ANXA6: variants seen among roughly 807,000 people sequenced by gnomAD.
The protein encoded by ANXA6 is annexin A6.
A neutral mutation model predicts 95.4 loss-of-function variants in ANXA6; 71 were observed. The observed-to-expected ratio is 0.74, with a 90% confidence interval of 0.61 to 0.91. The LOEUF (loss-of-function observed/expected upper bound fraction) is 0.91. Ranked by LOEUF, ANXA6 falls within the 40% of genes least tolerant of loss-of-function variation. ANXA6 has a pLI of 0.00. For missense variants in ANXA6, 830 were observed against 876.4 expected (o/e 0.95, Z 0.67); for synonymous variants, 289 against 315.9 (o/e 0.91, Z 0.90).
At chr5:151,120,349 C>T (rs1765128539) in intron 17 of ANXA6, among the ~76,000 whole-genome samples, 1 of 149,480 alleles carries the variant, frequency 6.7e-6, no homozygotes, top group Non-Finnish European at 1.5e-5. Flanking sequence ...CTAATTCACT[C>T]ATTCAGGTAC....
intron 1 of ANXA6, among the ~76,000 whole-genome samples, chr5:151,156,338 G>GA (rs1766236598): frequency 6.6e-6 from 1 of 152,220 alleles, no homozygotes; most frequent in Non-Finnish European, 1.5e-5. Context: ...GCTTGCTCAA[G>GA]AAGTCCCAGC....
intron 13 of ANXA6, 61 bp from the exon 14 acceptor site, chr5:151,126,541 C>CAAA: frequency 9.6e-7 from 1 of 1,045,526 alleles, no homozygotes; most frequent in Non-Finnish European, 1.4e-6. Context: ...AACACTCACA[C>CAAA]CAACACACAC....
At chr5:151,149,980 G>A (rs1250221560) in intron 1 of ANXA6, among the ~76,000 whole-genome samples, 1 of 152,212 alleles carries the variant, frequency 6.6e-6, no homozygotes, top group Non-Finnish European at 1.5e-5. Flanking sequence ...TTAGCCAGGT[G>A]TGATGGTGTG....
In ANXA6 at chr5:151,101,330, A is replaced by ACCCCCCCCC; in HGVS notation, c.*117_*118insGGGGGGGGG. On this transcript the variant is annotated 3_prime_UTR_variant, in exon 26 of 26. Coordinates refer to ENST00000354546, the MANE Select transcript of ANXA6 (RefSeq NM_001155.5). ...CCACTGAAGATAAGAGCCCAACCCA[A>ACCCCCCCCC]CCCCTCCCCCCACCCCTGCCCCTTC... 2.6e-6 allele frequency: 1 copy of ACCCCCCCCC among 385,870 alleles called. No homozygotes were observed. The highest frequency in any genetic ancestry group is 5.2e-6 in the Non-Finnish European group (1 of 190,630). The allele number at this position is 385,870 out of a possible 1,614,324, so 23.9% of individuals were successfully genotyped here. A position where few individuals can be genotyped will look rare whatever the true frequency, so the allele number is the denominator to read the frequency against.
chr5:151,148,843 G>T (rs1766034417), intron 1 of ANXA6, among the ~76,000 whole-genome samples: 1 of 152,038 alleles, frequency 6.6e-6, no homozygotes, highest in Non-Finnish European at 1.5e-5. Flanking sequence ...GTGGTAGGAT[G>T]TAGGATCTGA....
chr5:151,132,678 C>T (rs1022800528), intron 9 of ANXA6, 107 bp from the exon 10 acceptor site: 3 of 906,664 alleles, frequency 3.3e-6, no homozygotes, highest in South Asian at 1.6e-5. Flanking sequence ...GACTGTCCAC[C>T]ATGAAGCTAG....
chr5:151,103,794 C>CAAAAAAAAAA, intron 24 of ANXA6, 102 bp from the exon 25 acceptor site: 1 of 1,353,222 alleles, frequency 7.4e-7, no homozygotes, highest in African/African-American at 1.5e-5. Flanking sequence ...CTTGTTCCTT[C>CAAAAAAAAAA]CAAAAACAGG....
intron 23 of ANXA6, among the ~76,000 whole-genome samples, chr5:151,106,155 C>G (rs955984976): frequency 6.6e-6 from 1 of 152,116 alleles, no homozygotes; most frequent in African/African-American, 2.4e-5. Context: ...GCCCCTGCTC[C>G]CTACCCTGGC....
intron 9 of ANXA6, 75 bp downstream of exon 9, chr5:151,133,014 TAAAGA>T (rs202179966): frequency 3.4e-6 from 3 of 881,976 alleles, no homozygotes; most frequent in Non-Finnish European, 5.2e-6. Flanking sequence ...CCATTAGTGG[TAAAGA>T]AAAGAAAAGA....
At chr5:151,112,399 C>T (rs371649571) in intron 20 of ANXA6, among the ~76,000 whole-genome samples, 2 of 152,114 alleles carry the variant, frequency 1.3e-5, no homozygotes, top group Admixed American at 6.5e-5. Flanking sequence ...GGAAAGCTTT[C>T]GCATTTTTTT....
At chr5:151,112,704 T>A (rs1303897989) in intron 20 of ANXA6, among the ~76,000 whole-genome samples, 1 of 152,038 alleles carries the variant, frequency 6.6e-6, no homozygotes, top group Non-Finnish European at 1.5e-5. Context: ...CACGCCGTTA[T>A]TCCCAGCTAC....
In ANXA6 at chr5:151,119,371, T is replaced by G. The variant is rs767409913; in HGVS notation, c.1367A>C (p.Lys456Thr). ...AGTGGCCAGGATTTCAATAAGAGCC[T>G]TTTCATCTGTGCCGGCTCCCTGGAA... is the stretch of plus-strand genomic sequence containing the variant. ...KAMEGAGTDE[K>T]ALIEILATRT... is the part of the protein sequence containing the mutation. The change falls in exon 18 of 26, where the codon AAG becomes ACG. Residue 456 changes from lysine to threonine, a missense_variant. Lys to Thr is a moderately conservative substitution (Grantham distance 78, BLOSUM62 -1). Coordinates refer to ENST00000354546, the MANE Select transcript of ANXA6 (RefSeq NM_001155.5). 5 of 1,613,830 alleles carry G rather than the reference T, an allele frequency of 3.1e-6. No individual in the cohort carries two copies. In the East Asian group the frequency reaches 8.9e-5, roughly 29 times the overall value.
At chr5:151,126,980 G>C (rs1204740433) in intron 13 of ANXA6, among the ~76,000 whole-genome samples, 3 of 152,226 alleles carry the variant, frequency 2.0e-5, no homozygotes, top group African/African-American at 7.2e-5. Flanking sequence ...GCCTCCCAAA[G>C]TGCTGGGATT....
chr5:151,100,997 A>G lies in ANXA6; in HGVS notation c.*451T>C, dbSNP rs1171919028. 1 of 458,932 alleles carries G rather than the reference A, an allele frequency of 2.2e-6. No homozygotes were observed. Among genetic ancestry groups the G allele is most frequent in the Non-Finnish European group, 4.4e-6 (1 of 228,910 alleles). 28.4% of individuals were successfully genotyped at this position (458,932 alleles called of 1,614,324 possible). A position where few individuals can be genotyped will look rare whatever the true frequency, so the allele number is the denominator to read the frequency against. ...GATGGGTGGTGAAATGGATGGGAAG[A>G]TTTGTCAGTTTGCCCCAGCACATTT... On this transcript the variant is annotated 3_prime_UTR_variant, in exon 26 of 26. Transcript: ENST00000354546.
intron 1 of ANXA6, among the ~76,000 whole-genome samples, chr5:151,152,746 T>C (rs1212586690): frequency 6.6e-6 from 1 of 152,044 alleles, no homozygotes; most frequent in Admixed American, 6.6e-5. Flanking sequence ...AAGAAAATAT[T>C]AGGGGTGCAG....
At chr5:151,106,190 A>C (rs1258586598) in intron 23 of ANXA6, among the ~76,000 whole-genome samples, 2 of 151,976 alleles carry the variant, frequency 1.3e-5, no homozygotes, top group African/African-American at 2.4e-5. Context: ...GCCTGGTTTC[A>C]CCAACCCCGC....
rs1210246734 is a variant in ANXA6, at chr5:151,100,787, T to C, written c.*661A>G. The C allele has an allele frequency of 2.3e-6, 1 of 442,588 alleles. No homozygotes were observed. 27.4% of individuals were successfully genotyped at this position (442,588 alleles called of 1,614,324 possible). On this transcript the variant is annotated 3_prime_UTR_variant, in exon 26 of 26. Transcript: ENST00000354546. ...AAGGGAATGAATCGGAGGCATACTT[T>C]AGGAAGTTAATGTTAGAAGGGAAGC...
In ANXA6 at chr5:151,137,305, T is replaced by C; in HGVS notation, c.335A>G (p.Glu112Gly). Residue 112 changes from glutamate (E) to glycine (G), a missense_variant, in exon 6 of 26, where the codon GAG (glutamate) becomes GGG (glycine). Transcript: ENST00000354546. ...AGCCAAGATCTCAATGAGGCACTTC[T>C]CATCAGTGCCAATGCCCTGGGGGTA... ...KDAISGIGTD[E>G]KCLIEILASR... is the part of the protein sequence containing the mutation. The C allele has an allele frequency of 6.2e-7, 1 of 1,613,184 alleles. No individual in the cohort carries two copies. The highest frequency in any genetic ancestry group is 1.1e-5 in the South Asian group (1 of 91,008).
At chr5:151,140,288 G>A in intron 2 of ANXA6, 45 bp from the exon 3 acceptor site, 1 of 1,557,722 alleles carries the variant, frequency 6.4e-7, no homozygotes, top group South Asian at 1.1e-5. Flanking sequence ...CCCGGACTGA[G>A]ACCAAGCTCC....
Sources: allele counts gnomAD v4.1 joint callset (sites outside exome capture counted in the v4.1 genomes callset), GRCh38; gene constraint gnomAD v4.1.1; transcripts MANE v1.5; gene names NCBI Gene and HGNC (gene_info 2026-07-23, HGNC 2026-07-21).